The following KLF12 variants were observed in gnomAD, a reference collection of about 807,000 sequenced individuals.
KLF12 encodes the protein KLF transcription factor 12, also known as Krueppel-like factor 12.
Under a neutral mutation model 37.8 loss-of-function variants are expected in KLF12, and 9 were observed. That is an observed-to-expected ratio of 0.24 (90% CI 0.14 to 0.42). The LOEUF (loss-of-function observed/expected upper bound fraction) is 0.42, where lower values mean the gene tolerates loss of function less well. KLF12 is among the 10% of genes least tolerant of loss of function. The pLI, the probability that KLF12 is intolerant of heterozygous loss-of-function variation, is 1.00. For synonymous variants in KLF12, 208 were observed against 202.1 expected (o/e 1.03, Z -0.25); for missense variants, 411 against 516.0 (o/e 0.80, Z 1.97).
At chr13:73,904,674 G>A (rs1468150570) in intron 3 of KLF12, among the ~76,000 whole-genome samples, 1 of 151,984 alleles carries the variant, frequency 6.6e-6, no homozygotes, top group Non-Finnish European at 1.5e-5. Flanking sequence ...AGACTATCAT[G>A]TGATTTCAAT....
chr13:74,301,943 T>G, the KLF12 span, among the ~76,000 whole-genome samples: 1 of 152,052 alleles, frequency 6.6e-6, no homozygotes, highest in South Asian at 2.1e-4. Context: ...CCTTGAAGGG[T>G]TTAAAGGAGA....
At chr13:74,174,486 A>G in the KLF12 span, among the ~76,000 whole-genome samples, 1 of 149,978 alleles carries the variant, frequency 6.7e-6, no homozygotes, top group East Asian at 1.9e-4. Flanking sequence ...TGATCTGCCC[A>G]CCTCGGCCTC....
intron 5 of KLF12, among the ~76,000 whole-genome samples, chr13:73,774,634 A>G (rs1377963491): frequency 6.6e-6 from 1 of 152,202 alleles, no homozygotes; most frequent in African/African-American, 2.4e-5. Flanking sequence ...TATTAACATT[A>G]GAAAAATTGG....
intron 1 of KLF12, among the ~76,000 whole-genome samples, chr13:74,083,684 T>A (rs752501236): frequency 6.6e-6 from 1 of 152,232 alleles, no homozygotes. Flanking sequence ...AGAATTTGGC[T>A]CAACAATATG....
intron 3 of KLF12, among the ~76,000 whole-genome samples, chr13:73,894,051 T>A (rs1594220982): frequency 6.6e-6 from 1 of 152,104 alleles, no homozygotes; most frequent in African/African-American, 2.4e-5. Context: ...CTGCCCGAGT[T>A]AGTGAGAGAC....
At chr13:74,253,006 T>C in the KLF12 span, among the ~76,000 whole-genome samples, 1 of 132,692 alleles carries the variant, frequency 7.5e-6, no homozygotes, top group Admixed American at 7.1e-5. Context: ...TATCTATCTA[T>C]CTATCTATCT....
chr13:73,718,212 C>A (rs75341123), intron 6 of KLF12, among the ~76,000 whole-genome samples: 22,892 of 151,686 alleles, frequency 0.15, 2,584 homozygotes, highest in African/African-American at 0.31. Flanking sequence ...TAAGGAGAAA[C>A]GTAAAAAAAA....
At chr13:73,761,733 T>C (rs57144482) in intron 6 of KLF12, among the ~76,000 whole-genome samples, 1 of 152,296 alleles carries the variant, frequency 6.6e-6, no homozygotes, top group East Asian at 1.9e-4. Context: ...AATCTGTCTT[T>C]TGTCAGTTTA....
the KLF12 span, among the ~76,000 whole-genome samples, chr13:74,214,230 A>G: frequency 1.3e-5 from 2 of 152,148 alleles, no homozygotes; most frequent in Non-Finnish European, 2.9e-5. Context: ...CTGATGTTTT[A>G]TCAATTCTGC....
chr13:74,299,913 G>C, the KLF12 span, among the ~76,000 whole-genome samples: 1 of 152,164 alleles, frequency 6.6e-6, no homozygotes, highest in African/African-American at 2.4e-5. Context: ...AAATAAGAAA[G>C]AGGAAGAGGA....
At chr13:73,840,389 A>C (rs1159555360) in intron 4 of KLF12, among the ~76,000 whole-genome samples, 1 of 151,822 alleles carries the variant, frequency 6.6e-6, no homozygotes, top group Non-Finnish European at 1.5e-5. Flanking sequence ...ATTTCTCCAA[A>C]TCTGTCTCCT....
At chr13:74,129,983 T>A (rs531974864) in intron 1 of KLF12, among the ~76,000 whole-genome samples, 28 of 152,082 alleles carry the variant, frequency 1.8e-4, no homozygotes, top group Admixed American at 1.4e-3. Context: ...TTCTGGCGGG[T>A]GGAAGTCAGG....
At chr13:73,850,633 T>C (rs573462636) in intron 3 of KLF12, among the ~76,000 whole-genome samples, 6 of 152,326 alleles carry the variant, frequency 3.9e-5, no homozygotes, top group African/African-American at 1.4e-4. Flanking sequence ...TGCATAATAT[T>C]CTACTAAATG....
At chr13:73,700,929 T>C (rs752370998) in intron 7 of KLF12, among the ~76,000 whole-genome samples, 42 of 152,290 alleles carry the variant, frequency 2.8e-4, no homozygotes, top group Non-Finnish European at 5.0e-4. Flanking sequence ...GAAACTAACT[T>C]CATGATGAGA....
intron 3 of KLF12, among the ~76,000 whole-genome samples, chr13:73,938,159 G>C: frequency 6.6e-6 from 1 of 152,106 alleles, no homozygotes; most frequent in Non-Finnish European, 1.5e-5. Context: ...TAATGCAAGT[G>C]GCATTTTTAA....
At chr13:74,228,585 A>G in the KLF12 span, among the ~76,000 whole-genome samples, 948 of 152,282 alleles carry the variant, frequency 6.2e-3, 6 homozygotes, top group Non-Finnish European at 9.7e-3. Flanking sequence ...AGCTTAAATG[A>G]GAATTTAACT....
chr13:73,815,081 C>A (rs1007080924), intron 4 of KLF12, among the ~76,000 whole-genome samples: 1 of 151,914 alleles, frequency 6.6e-6, no homozygotes, highest in Non-Finnish European at 1.5e-5. Context: ...CTCTGTACCT[C>A]CTCAAATGTT....
At chr13:73,939,545 CTA>C (rs1890097857) in intron 3 of KLF12, among the ~76,000 whole-genome samples, 1 of 152,062 alleles carries the variant, frequency 6.6e-6, no homozygotes, top group Admixed American at 6.6e-5. Context: ...TACCCTATGT[CTA>C]CTTGGAGAAT....
In KLF12 at chr13:74,095,457, T is replaced by C. The variant is rs144611673; in HGVS notation, c.-32+38282A>G. 1.2e-3 allele frequency among the ~76,000 whole-genome samples: 176 copies of C among 152,130 alleles called. 1 individual carries two copies. The highest frequency in any genetic ancestry group is 0.01 in the Middle Eastern group (3 of 294). The stretch of plus-strand genomic sequence containing the variant: ...AGGCTGGAGTGCAGTGGTGTGATAA[T>C]AGCTCACTGCAGCCTCAAACTCCTG... On this transcript the variant is annotated intron_variant, in intron 1 of 7. Transcript: ENST00000377669.
Sources: gnomAD v4.1 joint callset for allele counts (sites outside exome capture counted in the v4.1 genomes callset) on GRCh38, gnomAD v4.1.1 for gene constraint, MANE v1.5 for transcripts, NCBI Gene and HGNC (gene_info 2026-07-23, HGNC 2026-07-21) for gene names.